Variants in ARHGAP40 observed in about 807,000 individuals in gnomAD.
ARHGAP40 encodes Rho GTPase activating protein 40.
ARHGAP40 carries 43 observed loss-of-function variants against 73.5 expected under a neutral mutation model. That is an observed-to-expected ratio of 0.58 (90% CI 0.46 to 0.75). The LOEUF (loss-of-function observed/expected upper bound fraction) is 0.75, where lower values mean the gene tolerates loss of function less well. Among genes scored for constraint, ARHGAP40 ranks in the 30% least tolerant of loss-of-function variants. The pLI is 0.00. For missense variants in ARHGAP40, 734 were observed against 861.8 expected (o/e 0.85, Z 1.86); for synonymous variants, 300 against 352.8 (o/e 0.85, Z 1.68).
chr20:38,628,872 T>A, intron 3 of ARHGAP40, 55 bp from the exon 4 acceptor site: 2 of 1,229,318 alleles, frequency 1.6e-6, no homozygotes. Flanking sequence ...CAGGGTTGTG[T>A]GAGCATTGTC....
chr20:38,628,766 G>A (rs768220386), intron 3 of ARHGAP40, among the ~76,000 whole-genome samples, 161 bp from the exon 4 acceptor site: 14 of 152,140 alleles, frequency 9.2e-5, no homozygotes, highest in African/African-American at 1.9e-4. Context: ...CCCATTCCCC[G>A]ACTTAGCAGC....
chr20:38,649,763 A>C, exon 15 of ARHGAP40: 3 of 1,305,102 alleles, frequency 2.3e-6, no homozygotes, highest in Non-Finnish European at 3.0e-6. Context: ...ACAGATGAGC[A>C]TCGCCTGGAC....
At chr20:38,618,032 G>A (rs531841894) in intron 1 of ARHGAP40, among the ~76,000 whole-genome samples, 3 of 152,140 alleles carry the variant, frequency 2.0e-5, no homozygotes, top group South Asian at 2.1e-4. Context: ...CCAAGGTGAC[G>A]TTGCTAATAA....
intron 5 of ARHGAP40, among the ~76,000 whole-genome samples, chr20:38,632,817 A>T (rs1045718351): frequency 4.0e-5 from 6 of 149,878 alleles, no homozygotes; most frequent in Admixed American, 2.7e-4. Context: ...CTCTACAAAA[A>T]TTTTTTTTAA....
At chr20:38,634,508 A>T in intron 5 of ARHGAP40, 112 bp from the exon 6 acceptor site, 1 of 957,884 alleles carries the variant, frequency 1.0e-6, no homozygotes, top group Non-Finnish European at 1.5e-6. Flanking sequence ...GCTTGCTCTT[A>T]TCCACGCTGC....
chr20:38,628,741 A>G (rs35399405), intron 3 of ARHGAP40, among the ~76,000 whole-genome samples, 186 bp from the exon 4 acceptor site: 36,444 of 152,184 alleles, frequency 0.24, 4,815 homozygotes, highest in Non-Finnish European at 0.3. Flanking sequence ...AGCCAGCCAG[A>G]CTTGGGCCCC....
At chr20:38,631,999 T>C (rs146856004) in intron 5 of ARHGAP40, among the ~76,000 whole-genome samples, 1 of 152,226 alleles carries the variant, frequency 6.6e-6, no homozygotes, top group Non-Finnish European at 1.5e-5. Context: ...AGTCTCACTC[T>C]GTTGCCCAGG....
chr20:38,608,447 C>CTCGTTGG (rs1467834071), intron 1 of ARHGAP40, among the ~76,000 whole-genome samples: 13 of 152,114 alleles, frequency 8.5e-5, no homozygotes, highest in African/African-American at 1.7e-4. Flanking sequence ...CTGCTGGCTG[C>CTCGTTGG]TCGTTGGTCG....
intron 1 of ARHGAP40, among the ~76,000 whole-genome samples, chr20:38,614,080 GT>G (rs1406669670): frequency 6.6e-6 from 1 of 152,212 alleles, no homozygotes; most frequent in Non-Finnish European, 1.5e-5. Flanking sequence ...CTTCGTAGAT[GT>G]GAGTGTTGCT....
chr20:38,634,406 T>G (rs1305549291), intron 5 of ARHGAP40, among the ~76,000 whole-genome samples: 1 of 152,152 alleles, frequency 6.6e-6, no homozygotes, highest in African/African-American at 2.4e-5. Flanking sequence ...CTCTATTTTA[T>G]GATTATGGAT....
chr20:38,626,315 A>G (rs2088898582), intron 2 of ARHGAP40, among the ~76,000 whole-genome samples: 1 of 152,172 alleles, frequency 6.6e-6, no homozygotes, highest in Admixed American at 6.5e-5. Flanking sequence ...CATTTCCCCC[A>G]TGATAAGGCC....
At chr20:38,639,088 T>C in intron 8 of ARHGAP40, 139 bp from the exon 9 acceptor site, 1 of 937,832 alleles carries the variant, frequency 1.1e-6, no homozygotes, top group South Asian at 1.6e-5. Flanking sequence ...GACCATTTCG[T>C]CCTTACTTCA....
At chr20:38,637,577 C>A in intron 6 of ARHGAP40, 131 bp from the exon 7 acceptor site, 2 of 625,834 alleles carry the variant, frequency 3.2e-6, no homozygotes, top group Non-Finnish European at 5.2e-6. Flanking sequence ...TGGGTCCAAC[C>A]ATTCTCTAGA....
intron 7 of ARHGAP40, among the ~76,000 whole-genome samples, chr20:38,638,282 C>G (rs980910791): frequency 1.3e-5 from 2 of 151,782 alleles, no homozygotes; most frequent in African/African-American, 4.8e-5. Flanking sequence ...GCCACTGCAC[C>G]CCAGCATGGG....
At chr20:38,625,574 A>G (rs1259438035) in intron 2 of ARHGAP40, among the ~76,000 whole-genome samples, 1 of 151,962 alleles carries the variant, frequency 6.6e-6, no homozygotes, top group Non-Finnish European at 1.5e-5. Flanking sequence ...ATTCACCACC[A>G]CACCCGTCTA....
chr20:38,623,488 G>A (rs1244199303), exon 2 of ARHGAP40: 33 of 1,290,834 alleles, frequency 2.6e-5, no homozygotes, highest in East Asian at 1.7e-4. Context: ...GGATGGAGGT[G>A]GAACAGATCC....
exon 15 of ARHGAP40, chr20:38,650,180 T>C (rs220521): frequency 0.61 from 227,846 of 373,650 alleles, 70,963 homozygotes; most frequent in African/African-American, 0.8. Context: ...CCCTCCACCC[T>C]CCAGCCCTCC....
chr20:38,633,707 C>T (rs1601145174), intron 5 of ARHGAP40, among the ~76,000 whole-genome samples: 1 of 152,232 alleles, frequency 6.6e-6, no homozygotes, highest in South Asian at 2.1e-4. Context: ...GGTCCAGCCA[C>T]GCCCTCCAGG....
intron 14 of ARHGAP40, among the ~76,000 whole-genome samples, chr20:38,649,411 CCAGGAGTGTTCGCATCCTGGAG>C (rs2089073607): frequency 6.6e-6 from 1 of 152,142 alleles, no homozygotes; most frequent in African/African-American, 2.4e-5. Flanking sequence ...GGGGCAGGGG[CCAGGAGTGTTCGCATCCTGGAG>C]CTTGGCCTGA....
Sources: allele counts gnomAD v4.1 joint callset (sites outside exome capture counted in the v4.1 genomes callset), GRCh38; gene constraint gnomAD v4.1.1; transcripts MANE v1.5; gene names NCBI Gene and HGNC (gene_info 2026-07-23, HGNC 2026-07-21).